GABRA4: variants seen among roughly 807,000 people sequenced by gnomAD.
The protein encoded by GABRA4 is gamma-aminobutyric acid type A receptor subunit alpha4.
Under a neutral mutation model 49.7 loss-of-function variants are expected in GABRA4, and 12 were observed. The ratio of observed to expected loss-of-function variants is 0.24; its 90% CI spans 0.15 to 0.39. GABRA4 has a LOEUF of 0.39. Among genes scored for constraint, GABRA4 ranks in the 10% least tolerant of loss-of-function variants. GABRA4 has a pLI of 1.00. For missense variants in GABRA4, 506 were observed against 686.0 expected (o/e 0.74, Z 2.93); for synonymous variants, 288 against 240.2 (o/e 1.20, Z -1.84).
intron 8 of GABRA4, among the ~76,000 whole-genome samples, chr4:46,937,196 C>T (rs1367509380): frequency 6.6e-6 from 1 of 152,132 alleles, no homozygotes; most frequent in Non-Finnish European, 1.5e-5. Flanking sequence ...CCATCATGTG[C>T]GGACGCAGTA....
At chr4:46,948,014 T>C (rs1722039546) in intron 8 of GABRA4, among the ~76,000 whole-genome samples, 1 of 152,112 alleles carries the variant, frequency 6.6e-6, no homozygotes. Context: ...TGCCTTACAG[T>C]ATATTGGAAA....
In GABRA4 at chr4:46,928,517, G is replaced by C. The variant is rs199907143; in HGVS notation, c.1373C>G (p.Ser458Cys). 21 of 1,613,562 alleles carry C rather than the reference G, an allele frequency of 1.3e-5. No individual in the cohort carries two copies. Among genetic ancestry groups the C allele is most frequent in the East Asian group, 2.2e-5 (1 of 44,876 alleles). Residue 458 changes from serine (S) to cysteine (C), a missense_variant, in exon 9 of 9, where the codon TCT becomes TGT. By Grantham distance (112) the Ser-to-Cys change is moderately radical (BLOSUM62 -1). Coordinates refer to ENST00000264318, the MANE Select transcript of GABRA4 (RefSeq NM_000809.4). ...ARALPSASPT[S>C]IRTGYMPRKA... ...TCGAGGCATATATCCAGTTCGGATA[G>C]AAGTAGGAGAAGCAGATGGAAGTGC...
At chr4:46,993,129 C>T (rs1723834186) in intron 1 of GABRA4, among the ~76,000 whole-genome samples, 183 bp from the exon 2 acceptor site, 1 of 152,166 alleles carries the variant, frequency 6.6e-6, no homozygotes, top group South Asian at 2.1e-4. Flanking sequence ...CGCCGCAAGA[C>T]CCCCAGTGCC....
At chr4:46,935,905 TA>T (rs1204459275) in intron 8 of GABRA4, among the ~76,000 whole-genome samples, 1 of 150,904 alleles carries the variant, frequency 6.6e-6, no homozygotes, top group African/African-American at 2.5e-5. Context: ...TAAATACAAA[TA>T]AATACAAAAT....
At chr4:46,978,682 C>A in intron 3 of GABRA4, among the ~76,000 whole-genome samples, 1 of 21,632 alleles carries the variant, frequency 4.6e-5, no homozygotes, top group Non-Finnish European at 8.3e-5. Context: ...AGCAAAACTT[C>A]ATCTCAAAAA....
chr4:46,993,387 G>A lies in GABRA4; in HGVS notation c.38C>T (p.Ser13Phe). ...SAKKVPAIAL[S>F]AGVSFALLRF... ...CAGGAGGGCGAAACTGACCCCGGCG[G>A]ACAGAGCGATCGCGGGTACCTTCTT... Residue 13 changes from serine (S) to phenylalanine (F), a missense_variant, in exon 1 of 9, where the codon TCC (serine) becomes TTC (phenylalanine). This residue lies in a region of GABRA4 where 195 missense variants were observed against 326.0 expected (regional missense o/e 0.60). Coordinates refer to ENST00000264318, the MANE Select transcript of GABRA4 (RefSeq NM_000809.4). 6.2e-7 allele frequency: 1 copy of A among 1,614,208 alleles called. No homozygotes were observed. The highest frequency in any genetic ancestry group is 1.3e-5 in the African/African-American group (1 of 75,064).
At chr4:46,953,218 C>T (rs77736837) in intron 8 of GABRA4, among the ~76,000 whole-genome samples, 290 of 152,130 alleles carry the variant, frequency 1.9e-3, no homozygotes, top group Non-Finnish European at 3.1e-3. Flanking sequence ...TATCTGCTGA[C>T]GATCAATAAA....
chr4:46,955,606 C>T (rs1722311487), intron 8 of GABRA4, among the ~76,000 whole-genome samples: 1 of 152,052 alleles, frequency 6.6e-6, no homozygotes, highest in Non-Finnish European at 1.5e-5. Flanking sequence ...TGTTGAATGA[C>T]TATCATTCCT....
intron 8 of GABRA4, among the ~76,000 whole-genome samples, chr4:46,960,100 A>G (rs1722519478): frequency 6.6e-6 from 1 of 151,550 alleles, no homozygotes; most frequent in South Asian, 2.1e-4. Context: ...TAAAAATATA[A>G]TAGCAAAATT....
intron 8 of GABRA4, among the ~76,000 whole-genome samples, chr4:46,962,985 T>G (rs1440471632): frequency 6.6e-6 from 1 of 151,792 alleles, no homozygotes; most frequent in African/African-American, 2.4e-5. Flanking sequence ...CCTCAAACCA[T>G]TGAGCTATTA....
chr4:46,962,270 C>A (rs1353591969), intron 8 of GABRA4, among the ~76,000 whole-genome samples: 1 of 108,304 alleles, frequency 9.2e-6, no homozygotes, highest in Non-Finnish European at 2.0e-5. Context: ...TTGCAGGATA[C>A]AAAATTAATA....
intron 8 of GABRA4, among the ~76,000 whole-genome samples, chr4:46,954,355 G>A (rs192794290): frequency 1.6e-4 from 24 of 151,838 alleles, no homozygotes; most frequent in East Asian, 1.4e-3. Flanking sequence ...TCAGGAGTTC[G>A]AGACCAGCCT....
intron 8 of GABRA4, among the ~76,000 whole-genome samples, chr4:46,943,984 G>A (rs571108968): frequency 5.9e-5 from 9 of 152,036 alleles, no homozygotes; most frequent in East Asian, 5.8e-4. Flanking sequence ...TGGGCCAGGG[G>A]GGAATGAGGA....
At position 46,972,038 on chromosome 4, in the gene GABRA4, G is replaced by A. The variant is rs182237928; in HGVS notation, c.722-803C>T. On this transcript the variant is annotated intron_variant, in intron 6 of 8. Coordinates refer to ENST00000264318, the MANE Select transcript of GABRA4 (RefSeq NM_000809.4). ...AGCAGTGGCCTTATTCACAAACCAT[G>A]AGGCCAGCATTCAGAAACCTCACAT... is the stretch of plus-strand genomic sequence containing the variant. Among the ~76,000 whole-genome samples, 32 of 151,696 alleles carry A rather than the reference G, an allele frequency of 2.1e-4. No homozygotes were observed. The East Asian group carries it at 2.7e-3, about 13-fold the overall frequency.
intron 8 of GABRA4, among the ~76,000 whole-genome samples, chr4:46,935,065 T>C (rs1414935683): frequency 6.6e-6 from 1 of 152,196 alleles, no homozygotes; most frequent in Non-Finnish European, 1.5e-5. Flanking sequence ...ACAAAGTGTT[T>C]ATAAAAATAA....
chr4:46,971,287 C>G (rs1275157858), intron 6 of GABRA4, 52 bp from the exon 7 acceptor site: 2 of 1,511,606 alleles, frequency 1.3e-6, no homozygotes, highest in Non-Finnish European at 1.8e-6. Context: ...GGCAATTAGT[C>G]AATGGCTTCA....
intron 2 of GABRA4, among the ~76,000 whole-genome samples, chr4:46,990,286 A>G (rs1723697948): frequency 6.6e-6 from 1 of 152,226 alleles, no homozygotes; most frequent in Non-Finnish European, 1.5e-5. Flanking sequence ...AAATTAGATG[A>G]CTAATAATGT....
intron 8 of GABRA4, among the ~76,000 whole-genome samples, chr4:46,952,926 A>G (rs1468472009): frequency 2.0e-5 from 3 of 152,118 alleles, no homozygotes; most frequent in Non-Finnish European, 4.4e-5. Context: ...GTTTTTTCAT[A>G]TATTGCTATC....
chr4:46,944,769 T>A (rs1721925551), intron 8 of GABRA4, among the ~76,000 whole-genome samples: 2 of 152,130 alleles, frequency 1.3e-5, no homozygotes, highest in Non-Finnish European at 2.9e-5. Flanking sequence ...CCATATAAAC[T>A]CAAATCAGGA....
Sources: allele counts gnomAD v4.1 joint callset (sites outside exome capture counted in the v4.1 genomes callset), GRCh38; gene constraint gnomAD v4.1.1; regional missense constraint gnomAD v4.1.1; transcripts MANE v1.5; gene names NCBI Gene and HGNC (gene_info 2026-07-23, HGNC 2026-07-21).